Variants in RASGEF1A observed in about 807,000 individuals in gnomAD.
RASGEF1A encodes RasGEF domain family member 1A.
A neutral mutation model predicts 56.4 loss-of-function variants in RASGEF1A; 18 were observed. The ratio of observed to expected loss-of-function variants is 0.32; its 90% CI spans 0.22 to 0.47. The LOEUF is 0.47. Ranked by LOEUF, RASGEF1A falls within the 20% of genes least tolerant of loss-of-function variation. The pLI is 1.00. For synonymous variants in RASGEF1A, 245 were observed against 242.6 expected, an observed-to-expected ratio of 1.01 and a Z score of -0.09; for missense variants, 422 against 627.1, an observed-to-expected ratio of 0.67 and a Z score of 3.49.
At chr10:43,207,751 C>G in intron 1 of RASGEF1A, 1 of 972,132 alleles carries the variant, frequency 1.0e-6, no homozygotes, top group Non-Finnish European at 1.2e-6. Context: ...CCCAGACCTG[C>G]TGGTCAGAAA....
At chr10:43,243,730 C>T (rs1340340179) in intron 1 of RASGEF1A, among the ~76,000 whole-genome samples, 1 of 148,518 alleles carries the variant, frequency 6.7e-6, no homozygotes, top group East Asian at 2.0e-4. Flanking sequence ...GAAGTGGGCG[C>T]CTCTGCCCGG....
intron 1 of RASGEF1A, among the ~76,000 whole-genome samples, chr10:43,257,696 C>A (rs568013888): frequency 6.6e-6 from 1 of 152,352 alleles, no homozygotes; most frequent in East Asian, 1.9e-4. Context: ...TAAAGCAGGC[C>A]TGGGACTCAC....
chr10:43,258,568 G>A (rs1162052778), intron 1 of RASGEF1A, among the ~76,000 whole-genome samples: 1 of 152,238 alleles, frequency 6.6e-6, no homozygotes, highest in Non-Finnish European at 1.5e-5. Context: ...CCCTTGGGAC[G>A]AGGAGAGCAG....
At chr10:43,203,609 T>A (rs1401002164) in intron 2 of RASGEF1A, 189 bp from the exon 3 acceptor site, 9 of 1,214,316 alleles carry the variant, frequency 7.4e-6, no homozygotes, top group Non-Finnish European at 8.7e-6. Context: ...CGGCCCTGCC[T>A]ACCTAGGAGG....
In RASGEF1A at chr10:43,200,823, G is replaced by C; in HGVS notation, c.525C>G (p.Ala175=). The C allele has an allele frequency of 6.2e-7, 1 of 1,613,986 alleles. No individual in the cohort carries two copies. The highest frequency in any genetic ancestry group is 8.5e-7 in the Non-Finnish European group (1 of 1,180,018). The change falls in exon 5 of 13, where the codon GCC becomes GCG. Residue 175 remains alanine (A), a synonymous_variant. Transcript: ENST00000395810. Reference sequence around the variant, plus strand: ...CTCGCAGTTCCTGGAGCTGGCTCCGGGCAGCCAAGGACAGCAACAGGCTCT... The same window carrying C: ...CTCGCAGTTCCTGGAGCTGGCTCCGCGCAGCCAAGGACAGCAACAGGCTCT... ...MTQSLLLSLA[A]RSQLQELREK...
Position 43,196,568 on chromosome 10 carries a change from C to T in RASGEF1A, c.1349-20G>A, listed in dbSNP as rs1386880392. 6.2e-7 allele frequency: 1 copy of T among 1,610,590 alleles called. No individual in the cohort carries two copies. The highest frequency in any genetic ancestry group is 1.3e-5 in the African/African-American group (1 of 75,020). ...AGAGAGCTGAGAGATGGGAAAGTCC[C>T]TCAGAGCCTGTGTCCCCATGCAGTG... is the stretch of plus-strand genomic sequence containing the variant. On this transcript the variant is annotated intron_variant, in intron 11 of 12. Coordinates refer to ENST00000395810, the MANE Select transcript of RASGEF1A (RefSeq NM_145313.4). The surrounding 1 kb of genome is among the most constrained non-coding windows in gnomAD (Gnocchi z 4.6).
At chr10:43,224,060 A>T (rs1052268232) in intron 1 of RASGEF1A, among the ~76,000 whole-genome samples, 2 of 152,174 alleles carry the variant, frequency 1.3e-5, no homozygotes, top group Admixed American at 1.3e-4. Context: ...AACTGTTTAG[A>T]ACCCAAAAAG....
chr10:43,249,173 C>T (rs78218507), intron 1 of RASGEF1A, among the ~76,000 whole-genome samples: 11,085 of 152,240 alleles, frequency 0.073, 464 homozygotes, highest in South Asian at 0.15. Flanking sequence ...GAGCAGGACG[C>T]CATGGCTGAG....
intron 1 of RASGEF1A, among the ~76,000 whole-genome samples, chr10:43,210,287 CAT>C (rs1840048227): frequency 6.6e-6 from 1 of 150,900 alleles, no homozygotes; most frequent in Non-Finnish European, 1.5e-5. Flanking sequence ...GCCTGGGTAA[CAT>C]AGAGACCCCT....
At chr10:43,247,546 A>T (rs905728272) in intron 1 of RASGEF1A, among the ~76,000 whole-genome samples, 11 of 152,264 alleles carry the variant, frequency 7.2e-5, no homozygotes, top group African/African-American at 2.4e-4. Flanking sequence ...TATCCATATG[A>T]TGGAATATTA....
intron 1 of RASGEF1A, among the ~76,000 whole-genome samples, chr10:43,227,594 C>T (rs906631694): frequency 2.0e-5 from 3 of 152,146 alleles, no homozygotes; most frequent in Non-Finnish European, 4.4e-5. Flanking sequence ...TGTCCTGAGC[C>T]AGCAGGTGCA....
At chr10:43,229,690 C>G in intron 1 of RASGEF1A, 1 of 1,450,532 alleles carries the variant, frequency 6.9e-7, no homozygotes. Flanking sequence ...CCTGCCCGGT[C>G]CGGCGTCCAG....
Position 43,197,052 on chromosome 10 carries a change from T to C in RASGEF1A, c.1272A>G (p.Thr424=), listed in dbSNP as rs958896078. The C allele has an allele frequency of 1.9e-6, 3 of 1,614,076 alleles. No individual in the cohort carries two copies. Among genetic ancestry groups the C allele is most frequent in the Non-Finnish European group, 2.5e-6 (3 of 1,179,936 alleles). ...CCTTCTCGAAAGGACACTCTACCTG[T>C]GTCCATGTCATGAACTCATGGATCT... ...SRQIHEFMTW[T]QVECPFEKDK... Residue 424 remains threonine (T), a synonymous_variant, in exon 11 of 13, where the codon ACA becomes ACG. Coordinates refer to ENST00000395810, the MANE Select transcript of RASGEF1A (RefSeq NM_145313.4).
Position 43,198,197 on chromosome 10 carries a change from TG to T in RASGEF1A, c.1033-3del. Reference sequence around the variant, plus strand: ...GTTGCTGGACGGGTCCATGTGATGCTGTGGGCACAGGGAGGACCTGGTGAGC... The same window carrying T: ...GTTGCTGGACGGGTCCATGTGATGCTTGGGCACAGGGAGGACCTGGTGAGC... On this transcript the variant is annotated splice_polypyrimidine_tract_variant and splice_region_variant and intron_variant, in intron 9 of 12. Coordinates refer to ENST00000395810, the MANE Select transcript of RASGEF1A (RefSeq NM_145313.4). 1.2e-6 allele frequency: 2 copies of T among 1,606,742 alleles called. No individual in the cohort carries two copies. Among genetic ancestry groups the T allele is most frequent in the Non-Finnish European group, 8.5e-7 (1 of 1,174,396 alleles).
chr10:43,211,615 C>A (rs1840070279), intron 1 of RASGEF1A, among the ~76,000 whole-genome samples: 1 of 152,200 alleles, frequency 6.6e-6, no homozygotes, highest in Admixed American at 6.5e-5. Context: ...CTGCTGTCCC[C>A]CAGAGGATGA....
chr10:43,198,815 A>G, intron 9 of RASGEF1A, 118 bp downstream of exon 9: 1 of 894,102 alleles, frequency 1.1e-6, no homozygotes, highest in African/African-American at 1.6e-5. Flanking sequence ...CCAGCACTGT[A>G]GGTGCTAGCC....
chr10:43,234,996 C>T (rs761043438), intron 1 of RASGEF1A, among the ~76,000 whole-genome samples: 4 of 152,234 alleles, frequency 2.6e-5, no homozygotes, highest in Non-Finnish European at 5.9e-5. Context: ...ATCAAAACCA[C>T]ACCTAAACAC....
intron 1 of RASGEF1A, among the ~76,000 whole-genome samples, chr10:43,248,154 G>A (rs541514506): frequency 5.3e-4 from 80 of 150,674 alleles, no homozygotes; most frequent in Middle Eastern, 6.9e-3. Context: ...TGAGGAGTTC[G>A]AGACCAGCCT....
intron 1 of RASGEF1A, among the ~76,000 whole-genome samples, chr10:43,214,354 A>G (rs1420950240): frequency 6.6e-6 from 1 of 152,224 alleles, no homozygotes; most frequent in Non-Finnish European, 1.5e-5. Flanking sequence ...GAGGAGACCC[A>G]ACAGAGCCAC....
Sources: allele counts gnomAD v4.1 joint callset (sites outside exome capture counted in the v4.1 genomes callset), GRCh38; gene constraint gnomAD v4.1.1; non-coding constraint Gnocchi (gnomAD v3.1); transcripts MANE v1.5; gene names NCBI Gene and HGNC (gene_info 2026-07-23, HGNC 2026-07-21).